Variants in KCMF1 observed in about 807,000 individuals in gnomAD.
KCMF1 encodes the protein E3 ubiquitin-protein ligase KCMF1.
KCMF1 carries 3 observed loss-of-function variants against 41.1 expected under a neutral mutation model. The observed-to-expected ratio is 0.07, with a 90% CI of 0.03 to 0.19. KCMF1 has a LOEUF of 0.19. Among genes scored for constraint, KCMF1 ranks in the 10% least tolerant of loss-of-function variants. The pLI is 1.00. For synonymous variants in KCMF1, 142 were observed against 164.5 expected (o/e 0.86, Z 1.04); for missense variants, 286 against 488.9 (o/e 0.58, Z 3.91).
At chr2:85,033,052 A>G (rs1343243442) in intron 2 of KCMF1, among the ~76,000 whole-genome samples, 1 of 152,198 alleles carries the variant, frequency 6.6e-6, no homozygotes, top group Non-Finnish European at 1.5e-5. Flanking sequence ...TTTTTGGTAG[A>G]TGCCCTTTAT....
chr2:85,011,854 T>TG (rs1388645764), intron 1 of KCMF1, among the ~76,000 whole-genome samples: 6 of 152,304 alleles, frequency 3.9e-5, no homozygotes, highest in Admixed American at 3.9e-4. Flanking sequence ...TGTAGGATGT[T>TG]TAGTAACATT....
chr2:84,975,661 T>C (rs1229539550), intron 1 of KCMF1, among the ~76,000 whole-genome samples: 2 of 152,200 alleles, frequency 1.3e-5, no homozygotes, highest in Non-Finnish European at 2.9e-5. Flanking sequence ...CACTTTGTGT[T>C]CACCCTGCCA....
At chr2:85,006,121 C>T (rs1007158282) in intron 1 of KCMF1, among the ~76,000 whole-genome samples, 16 of 151,592 alleles carry the variant, frequency 1.1e-4, no homozygotes, top group African/African-American at 2.4e-4. Flanking sequence ...TATTTGTTAC[C>T]GATATTTCTC....
rs757765038 is a variant in KCMF1 at position 85,049,576 on chromosome 2, C to T, written c.812C>T (p.Thr271Ile). 1.9e-6 allele frequency: 3 copies of T among 1,613,866 alleles called. No individual in the cohort carries two copies. Among genetic ancestry groups the T allele is most frequent in the African/African-American group, 2.7e-5 (2 of 74,924 alleles). The stretch of plus-strand genomic sequence containing the variant: ...GTCACCACTACAATCACACAATCCA[C>T]AGCAACAACCAACATAGCTAATACA... The part of the protein sequence containing the change: ...SSVTTTITQS[T>I]ATTNIANTES... The change falls in exon 6 of 7, where the codon ACA becomes ATA. Residue 271 changes from threonine (T) to isoleucine (I), a missense_variant. Physicochemically the swap from Thr to Ile is moderately conservative, Grantham distance 89 (BLOSUM62 -1). Transcript: ENST00000409785.
chr2:84,990,509 T>G (rs1456948484), intron 1 of KCMF1, among the ~76,000 whole-genome samples: 3 of 152,040 alleles, frequency 2.0e-5, no homozygotes, highest in Non-Finnish European at 4.4e-5. Context: ...CTGAAGAAAA[T>G]AAAGTAGAGT....
intron 5 of KCMF1, among the ~76,000 whole-genome samples, chr2:85,047,596 TAAAAAA>T (rs202167081): frequency 1.5e-5 from 2 of 131,992 alleles, no homozygotes; most frequent in Non-Finnish European, 3.3e-5. Flanking sequence ...GGAAAAATCT[TAAAAAA>T]AAAAAAAAAA....
intron 1 of KCMF1, among the ~76,000 whole-genome samples, chr2:85,020,679 T>C (rs1181044440): frequency 1.3e-5 from 2 of 152,198 alleles, no homozygotes; most frequent in Non-Finnish European, 2.9e-5. Flanking sequence ...CTGTTCCCTT[T>C]AGTCTCCCAA....
chr2:85,026,234 G>A (rs915930904), intron 1 of KCMF1, among the ~76,000 whole-genome samples: 9 of 151,320 alleles, frequency 5.9e-5, no homozygotes, highest in African/African-American at 1.5e-4. Context: ...CAGGTGATCC[G>A]CCCACCTCAG....
rs1203641486 is a variant in KCMF1 at position 85,057,700 on chromosome 2, C to G, written c.*4291C>G. On this transcript the variant is annotated 3_prime_UTR_variant, in exon 7 of 7. Transcript: ENST00000409785. ...GTTTCTGTAGTTTTTCAACCCATTT[C>G]TGTCAGTGTTCTATAAATGCATACA... 5 of 152,214 alleles carry G rather than the reference C, an allele frequency of 3.3e-5. No homozygotes were observed. The South Asian group carries it at 1.0e-3, about 32-fold the overall frequency. 9.4% of individuals were successfully genotyped at this position (152,214 alleles called of 1,614,324 possible). A position where few individuals can be genotyped will look rare whatever the true frequency, so the allele number is the denominator to read the frequency against.
At chr2:85,023,167 G>A (rs1021165008) in intron 1 of KCMF1, among the ~76,000 whole-genome samples, 2 of 151,786 alleles carry the variant, frequency 1.3e-5, no homozygotes, top group East Asian at 1.9e-4. Context: ...GATTACAGGC[G>A]TGAGCCACCG....
chr2:84,997,392 A>G (rs1272595393), intron 1 of KCMF1, among the ~76,000 whole-genome samples: 1 of 151,490 alleles, frequency 6.6e-6, no homozygotes, highest in African/African-American at 2.4e-5. Context: ...TGCTTTCTGG[A>G]TTTCATCATA....
intron 1 of KCMF1, among the ~76,000 whole-genome samples, chr2:84,986,812 G>A (rs1271624255): frequency 6.6e-6 from 1 of 152,160 alleles, no homozygotes; most frequent in East Asian, 1.9e-4. Context: ...AACCCGAGAG[G>A]TGGAGGTTGC....
intron 1 of KCMF1, among the ~76,000 whole-genome samples, chr2:84,973,908 A>G (rs186077719): frequency 6.8e-6 from 1 of 146,402 alleles, no homozygotes; most frequent in East Asian, 2.0e-4. Flanking sequence ...GCTCACTGCA[A>G]CTTCCACCTC....
At chr2:85,011,382 A>T (rs1227177568) in intron 1 of KCMF1, among the ~76,000 whole-genome samples, 1 of 152,016 alleles carries the variant, frequency 6.6e-6, no homozygotes, top group Non-Finnish European at 1.5e-5. Context: ...TGCTGTTTAG[A>T]CTTACTTGGT....
At chr2:85,032,301 A>T (rs1675296528) in intron 2 of KCMF1, among the ~76,000 whole-genome samples, 1 of 152,078 alleles carries the variant, frequency 6.6e-6, no homozygotes, top group Non-Finnish European at 1.5e-5. Flanking sequence ...CCTCCCAAGT[A>T]GCTGAGATCA....
At chr2:85,003,970 T>C (rs1419142292) in intron 1 of KCMF1, among the ~76,000 whole-genome samples, 2 of 152,158 alleles carry the variant, frequency 1.3e-5, no homozygotes, top group Non-Finnish European at 2.9e-5. Context: ...CCTGAACCTG[T>C]GGATAGTACT....
intron 1 of KCMF1, among the ~76,000 whole-genome samples, chr2:84,982,242 G>C (rs982054923): frequency 6.6e-6 from 1 of 152,070 alleles, no homozygotes. Flanking sequence ...TACTGTTCTT[G>C]TTCCACCAGT....
chr2:85,007,263 A>C (rs1294275366), intron 1 of KCMF1, among the ~76,000 whole-genome samples: 1 of 152,200 alleles, frequency 6.6e-6, no homozygotes, highest in East Asian at 1.9e-4. Context: ...GAAACATGGA[A>C]TAGCAAGCCC....
intron 3 of KCMF1, among the ~76,000 whole-genome samples, chr2:85,043,200 T>G (rs1675583920): frequency 6.6e-6 from 1 of 152,266 alleles, no homozygotes; most frequent in South Asian, 2.1e-4. Flanking sequence ...AAGTGTGCCA[T>G]AGGCTTGTAT....
Sources: allele counts gnomAD v4.1 joint callset (sites outside exome capture counted in the v4.1 genomes callset), GRCh38; gene constraint gnomAD v4.1.1; transcripts MANE v1.5; gene names NCBI Gene and HGNC (gene_info 2026-07-23, HGNC 2026-07-21).